XKR6: variants seen among roughly 807,000 people sequenced by gnomAD.
The protein encoded by XKR6 is XK-related protein 6.
XKR6 carries 22 observed loss-of-function variants against 56.7 expected under a neutral mutation model. The observed-to-expected ratio is 0.39, with a 90% CI of 0.28 to 0.55. The LOEUF is 0.55. Ranked by LOEUF, XKR6 falls within the 20% of genes least tolerant of loss-of-function variation. The pLI is 0.66. For synonymous variants in XKR6, 524 were observed against 387.8 expected, an observed-to-expected ratio of 1.35 and a Z score of -4.13; for missense variants, 852 against 889.0, an observed-to-expected ratio of 0.96 and a Z score of 0.53.
At chr8:10,912,418 C>CAT (rs1362125762) in intron 2 of XKR6, among the ~76,000 whole-genome samples, 3 of 91,862 alleles carry the variant, frequency 3.3e-5, no homozygotes, top group African/African-American at 4.2e-5. Context: ...AGAGAGTGAG[C>CAT]ATATATATAT....
chr8:11,002,673 G>A (rs1241201782), intron 1 of XKR6, among the ~76,000 whole-genome samples: 1 of 152,232 alleles, frequency 6.6e-6, no homozygotes, highest in Non-Finnish European at 1.5e-5. Context: ...GCCAACCATG[G>A]GATGGCCCAG....
intron 1 of XKR6, among the ~76,000 whole-genome samples, chr8:11,157,261 C>A (rs114661869): frequency 0.023 from 3,428 of 152,142 alleles, 131 homozygotes; most frequent in African/African-American, 0.08. Flanking sequence ...CTAGGCTGAA[C>A]CTTGGAACTG....
intron 1 of XKR6, among the ~76,000 whole-genome samples, chr8:11,168,664 T>A (rs1173155243): frequency 6.6e-6 from 1 of 152,132 alleles, no homozygotes; most frequent in Non-Finnish European, 1.5e-5. Flanking sequence ...CTCAATGAAT[T>A]TAAAAAGACT....
chr8:11,108,182 G>A (rs530794163), intron 1 of XKR6: 203 of 428,300 alleles, frequency 4.7e-4, no homozygotes, highest in African/African-American at 4.1e-3. Flanking sequence ...TCTGTTAAAT[G>A]TCCACTACAC....
At chr8:11,133,777 C>T (rs1586593537) in intron 1 of XKR6, among the ~76,000 whole-genome samples, 1 of 152,220 alleles carries the variant, frequency 6.6e-6, no homozygotes, top group Non-Finnish European at 1.5e-5. Context: ...TAAGAAATGT[C>T]AGGTCTTACA....
intron 1 of XKR6, among the ~76,000 whole-genome samples, chr8:11,101,686 C>T (rs1197603111): frequency 6.6e-6 from 1 of 152,166 alleles, no homozygotes; most frequent in East Asian, 1.9e-4. Flanking sequence ...ATGGAAGTGG[C>T]CTCTCCTGTG....
chr8:11,178,069 T>A (rs976363832), intron 1 of XKR6, among the ~76,000 whole-genome samples: 1 of 152,096 alleles, frequency 6.6e-6, no homozygotes, highest in Non-Finnish European at 1.5e-5. Flanking sequence ...GTGCAGGGCC[T>A]AGTGACCGGG....
At chr8:11,053,896 A>G (rs992953880) in intron 1 of XKR6, among the ~76,000 whole-genome samples, 6 of 152,338 alleles carry the variant, frequency 3.9e-5, no homozygotes, top group African/African-American at 1.2e-4. Flanking sequence ...TGATTTTAAC[A>G]TGTGTATACG....
chr8:11,190,551 G>C (rs1317234152), intron 1 of XKR6, among the ~76,000 whole-genome samples: 2 of 152,200 alleles, frequency 1.3e-5, no homozygotes, highest in Non-Finnish European at 2.9e-5. Flanking sequence ...TTACTCAGCT[G>C]TTTGATTCAT....
At chr8:10,908,691 T>C (rs541358676) in intron 2 of XKR6, among the ~76,000 whole-genome samples, 53 of 152,266 alleles carry the variant, frequency 3.5e-4, no homozygotes, top group African/African-American at 1.3e-3. Context: ...CTCCCTGCCA[T>C]GGTTTGAATG....
At chr8:11,178,537 G>C (rs950745427) in intron 1 of XKR6, among the ~76,000 whole-genome samples, 1 of 102,690 alleles carries the variant, frequency 9.7e-6, no homozygotes, top group Non-Finnish European at 1.9e-5. Flanking sequence ...CCAAACATCT[G>C]AGAGGTAAAA....
chr8:10,914,778 G>A (rs1341531307), intron 2 of XKR6, among the ~76,000 whole-genome samples: 4 of 152,236 alleles, frequency 2.6e-5, no homozygotes, highest in Non-Finnish European at 5.9e-5. Flanking sequence ...GGGCAGGCCA[G>A]GCTGTGGAAG....
At chr8:10,900,768 T>C (rs1189069319) in intron 2 of XKR6, among the ~76,000 whole-genome samples, 1 of 152,066 alleles carries the variant, frequency 6.6e-6, no homozygotes, top group Non-Finnish European at 1.5e-5. Context: ...GTGCTCACAT[T>C]GTCTGTTAGG....
chr8:11,141,242 T>C (rs151111154), intron 1 of XKR6, among the ~76,000 whole-genome samples: 20 of 152,322 alleles, frequency 1.3e-4, no homozygotes, highest in Non-Finnish European at 1.5e-4. Context: ...TAAGTAATTC[T>C]ATAATAGTCT....
chr8:11,127,289 T>G (rs1050120660), intron 1 of XKR6, among the ~76,000 whole-genome samples: 5 of 152,250 alleles, frequency 3.3e-5, no homozygotes, highest in African/African-American at 1.2e-4. Context: ...CTGCTTTCTT[T>G]TCTAATTATG....
intron 2 of XKR6, among the ~76,000 whole-genome samples, chr8:10,914,668 T>G (rs1289824760): frequency 6.6e-6 from 1 of 152,168 alleles, no homozygotes; most frequent in Admixed American, 6.5e-5. Context: ...CAGTCTCCCT[T>G]GCAGCATCCT....
At chr8:11,067,167 C>T (rs1025602579) in intron 1 of XKR6, 4 of 152,332 alleles carry the variant, frequency 2.6e-5, no homozygotes, top group South Asian at 2.1e-4. Context: ...GAATGTCTGA[C>T]GCGGGCATCT....
rs149727687 is a variant in XKR6 at position 11,127,004 on chromosome 8, T to C, written c.764+73572A>G. Among the ~76,000 whole-genome samples the C allele has an allele frequency of 1.1e-3, 169 of 152,328 alleles. 1 individual carries two copies. Among genetic ancestry groups the C allele is most frequent in the Non-Finnish European group, 2.0e-3 (133 of 68,022 alleles). ...AATCAAAGCAACTGGTCATCTAACATATATTTAACAACATCAGGGTAAGTT... is the reference window on the plus strand; with the variant it reads ...AATCAAAGCAACTGGTCATCTAACACATATTTAACAACATCAGGGTAAGTT... On this transcript the variant is annotated intron_variant, in intron 1 of 2. Transcript: ENST00000416569.
chr8:11,173,952 C>T (rs773160900), intron 1 of XKR6, among the ~76,000 whole-genome samples: 1 of 152,144 alleles, frequency 6.6e-6, no homozygotes, highest in African/African-American at 2.4e-5. Flanking sequence ...ATGGGGTTAC[C>T]CTCGGGTGCT....
Sources: gnomAD v4.1 joint callset for allele counts (sites outside exome capture counted in the v4.1 genomes callset) on GRCh38, gnomAD v4.1.1 for gene constraint, MANE v1.5 for transcripts, NCBI Gene and HGNC (gene_info 2026-07-23, HGNC 2026-07-21) for gene names.